Variants in SCAND3 observed in about 807,000 individuals in gnomAD.
SCAND3 encodes the protein SCAN domain-containing protein 3.
the SCAND3 span, among the ~76,000 whole-genome samples, chr6:28,606,124 C>T: frequency 6.6e-6 from 1 of 151,872 alleles, no homozygotes; most frequent in Admixed American, 6.6e-5. Context: ...TAGAAAAGTA[C>T]TTAAGTAAAG....
the SCAND3 span, chr6:28,591,486 A>G: frequency 1.3e-5 from 2 of 152,320 alleles, no homozygotes; most frequent in African/African-American, 2.4e-5. Context: ...ATTTCAGCAA[A>G]TAATCCAGTT....
At chr6:28,589,365 G>C in the SCAND3 span, 3 of 151,974 alleles carry the variant, frequency 2.0e-5, no homozygotes, top group Non-Finnish European at 4.4e-5. Context: ...CTTACCTACT[G>C]TACCCTTGTG....
the SCAND3 span, chr6:28,579,196 G>C: frequency 7.5e-7 from 1 of 1,327,074 alleles, no homozygotes; most frequent in African/African-American, 1.5e-5. This position sits in a 1 kb window ranked among gnomAD's most constrained non-coding sequence, Gnocchi z 4.5. Flanking sequence ...AATGGAATGA[G>C]GTTTGATAAC....
chr6:28,607,519 G>GTTTT, the SCAND3 span, among the ~76,000 whole-genome samples: 6 of 149,308 alleles, frequency 4.0e-5, no homozygotes, highest in East Asian at 1.9e-4. Flanking sequence ...TTTATTCACT[G>GTTTT]TTTTTTTTTT....
At chr6:28,575,020 C>T in the SCAND3 span, 1 of 1,614,040 alleles carries the variant, frequency 6.2e-7, no homozygotes, top group Non-Finnish European at 8.5e-7. This position sits in a 1 kb window ranked among gnomAD's most constrained non-coding sequence, Gnocchi z 4.2. Context: ...ATACTGGGCT[C>T]TTAAAGTATT....
the SCAND3 span, chr6:28,587,683 G>A: frequency 6.6e-6 from 1 of 151,990 alleles, no homozygotes; most frequent in Non-Finnish European, 1.5e-5. Flanking sequence ...CGTTAATTTC[G>A]GGCCACTTTC....
chr6:28,571,772 T>C, the SCAND3 span: 2 of 1,004,584 alleles, frequency 2.0e-6, no homozygotes, highest in Non-Finnish European at 2.7e-6. Flanking sequence ...ATATAGAAAA[T>C]TGCTGTTTCA....
At chr6:28,581,270 G>A in the SCAND3 span, among the ~76,000 whole-genome samples, 163 of 152,170 alleles carry the variant, frequency 1.1e-3, no homozygotes, top group African/African-American at 3.8e-3. Flanking sequence ...CCTGGGAGGT[G>A]GAGGTTGCAG....
the SCAND3 span, among the ~76,000 whole-genome samples, chr6:28,577,226 A>T: frequency 6.6e-6 from 1 of 152,214 alleles, no homozygotes; most frequent in African/African-American, 2.4e-5. Context: ...GAATACTTCA[A>T]ATTTGGCTAA....
chr6:28,579,333 A>G, the SCAND3 span: 5 of 1,614,026 alleles, frequency 3.1e-6, no homozygotes, highest in Non-Finnish European at 3.4e-6. The surrounding 1 kb of genome is among the most constrained non-coding windows in gnomAD (Gnocchi z 4.5). Context: ...CCATAGACTG[A>G]AGCTGGGTGC....
At chr6:28,575,575 A>G in the SCAND3 span, 3 of 1,614,036 alleles carry the variant, frequency 1.9e-6, no homozygotes, top group African/African-American at 1.3e-5. This position sits in a 1 kb window ranked among gnomAD's most constrained non-coding sequence, Gnocchi z 4.2. Context: ...TATAAGATCT[A>G]CTTGGCATCT....
chr6:28,588,247 G>A, the SCAND3 span: 1 of 152,120 alleles, frequency 6.6e-6, no homozygotes, highest in South Asian at 2.1e-4. This position sits in a 1 kb window ranked among gnomAD's most constrained non-coding sequence, Gnocchi z 4.1. Context: ...CACTTTTAAC[G>A]TGCTGAACTT....
the SCAND3 span, among the ~76,000 whole-genome samples, chr6:28,595,985 G>T: frequency 1.3e-5 from 2 of 152,136 alleles, no homozygotes; most frequent in Non-Finnish European, 2.9e-5. Flanking sequence ...AGAGGAACAA[G>T]AATTTTAGTC....
the SCAND3 span, among the ~76,000 whole-genome samples, chr6:28,574,182 A>G: frequency 0.035 from 5,312 of 152,274 alleles, 143 homozygotes; most frequent in Non-Finnish European, 0.052. Flanking sequence ...AGTAATGTCA[A>G]TTGTTATAAA....
At chr6:28,588,011 T>G in the SCAND3 span, 1 of 152,264 alleles carries the variant, frequency 6.6e-6, no homozygotes, top group African/African-American at 2.4e-5. The surrounding 1 kb of genome is among the most constrained non-coding windows in gnomAD (Gnocchi z 4.1). Context: ...CCTGGTTCCC[T>G]TCTCCATTCT....
At chr6:28,612,360 C>T in the SCAND3 span, among the ~76,000 whole-genome samples, 1 of 152,086 alleles carries the variant, frequency 6.6e-6, no homozygotes, top group Admixed American at 6.6e-5. Flanking sequence ...TTTAAGAACA[C>T]TCTGTGAATT....
At chr6:28,607,228 C>A in the SCAND3 span, among the ~76,000 whole-genome samples, 3 of 152,154 alleles carry the variant, frequency 2.0e-5, no homozygotes, top group Non-Finnish European at 2.9e-5. Context: ...GGCACCTCCA[C>A]CAGTTTTGGG....
the SCAND3 span, chr6:28,575,309 T>C: frequency 3.1e-6 from 5 of 1,613,956 alleles, 1 homozygote; most frequent in Middle Eastern, 3.3e-4. The surrounding 1 kb of genome is among the most constrained non-coding windows in gnomAD (Gnocchi z 4.2). Context: ...CTTTGGCAGG[T>C]CTGAGACTTC....
At chr6:28,576,502 T>C in the SCAND3 span, among the ~76,000 whole-genome samples, 1 of 152,080 alleles carries the variant, frequency 6.6e-6, no homozygotes, top group Non-Finnish European at 1.5e-5. Flanking sequence ...TCAAGCAATC[T>C]GCCTGCCAGC....
Sources: allele counts gnomAD v4.1 joint callset (sites outside exome capture counted in the v4.1 genomes callset), GRCh38; gene constraint gnomAD v4.1.1; non-coding constraint Gnocchi (gnomAD v3.1); transcripts MANE v1.5; gene names NCBI Gene and HGNC (gene_info 2026-07-23, HGNC 2026-07-21).